Variants in NBAS observed in about 807,000 individuals in gnomAD.
The protein encoded by NBAS is NAG/BC035112 fusion.
In NBAS, 219 loss-of-function variants were observed where a neutral mutation model predicts 302.5. That is an observed-to-expected ratio of 0.72 (90% confidence interval 0.65 to 0.81). The LOEUF (loss-of-function observed/expected upper bound fraction) is 0.81, where lower values mean the gene tolerates loss of function less well. Among genes scored for constraint, NBAS ranks in the 30% least tolerant of loss-of-function variants. The pLI, the probability that NBAS is intolerant of heterozygous loss-of-function variation, is 0.00. For synonymous variants in NBAS, 1,118 were observed against 1,021.6 expected, an observed-to-expected ratio of 1.09 and a Z score of -1.80; for missense variants, 2,932 against 2,841.6, an observed-to-expected ratio of 1.03 and a Z score of -0.72.
At chr2:15,389,338 A>G (rs1558295559) in intron 28 of NBAS, among the ~76,000 whole-genome samples, 1 of 152,346 alleles carries the variant, frequency 6.6e-6, no homozygotes, top group South Asian at 2.1e-4. Context: ...CCTTCCAAAC[A>G]AACAACTTAC....
At chr2:14,864,225 GA>G in the NBAS span, among the ~76,000 whole-genome samples, 1 of 149,958 alleles carries the variant, frequency 6.7e-6, no homozygotes, top group East Asian at 2.0e-4. Context: ...GCTGAGACAG[GA>G]AAATCACTTG....
chr2:15,467,178 C>G (rs1423921470), intron 19 of NBAS, 151 bp downstream of exon 19: 1 of 622,800 alleles, frequency 1.6e-6, no homozygotes, highest in Non-Finnish European at 2.8e-6. Flanking sequence ...TTTACCAAAA[C>G]TAGTATATAA....
At chr2:15,462,920 A>T (rs1204612402) in intron 19 of NBAS, among the ~76,000 whole-genome samples, 1 of 152,180 alleles carries the variant, frequency 6.6e-6, no homozygotes, top group East Asian at 1.9e-4. Flanking sequence ...ACAGTCAGAG[A>T]AGTAAAGGGA....
the NBAS span, among the ~76,000 whole-genome samples, chr2:14,788,583 C>T: frequency 8.5e-5 from 13 of 152,256 alleles, no homozygotes; most frequent in South Asian, 2.5e-3. Flanking sequence ...TGCTAGAGGT[C>T]CACTCCAGAC....
intron 26 of NBAS, among the ~76,000 whole-genome samples, chr2:15,400,147 T>C (rs1381527399): frequency 6.6e-6 from 1 of 151,062 alleles, no homozygotes; most frequent in African/African-American, 2.4e-5. Flanking sequence ...CCCGGGATAA[T>C]AGATGGACAA....
intron 12 of NBAS, among the ~76,000 whole-genome samples, chr2:15,488,483 T>A (rs1236978776): frequency 6.6e-6 from 1 of 152,194 alleles, no homozygotes; most frequent in Non-Finnish European, 1.5e-5. Context: ...AGAAGGTAAC[T>A]CCCTTCAAGG....
chr2:14,838,630 T>C, the NBAS span, among the ~76,000 whole-genome samples: 2 of 152,142 alleles, frequency 1.3e-5, no homozygotes, highest in Non-Finnish European at 2.9e-5. Context: ...TTTTATTGTA[T>C]ACCAGAGTTG....
the NBAS span, among the ~76,000 whole-genome samples, chr2:14,938,107 G>A: frequency 6.6e-6 from 1 of 151,916 alleles, no homozygotes; most frequent in Non-Finnish European, 1.5e-5. Context: ...CAGCCTGGGT[G>A]ACAGCGAGAC....
intron 21 of NBAS, among the ~76,000 whole-genome samples, chr2:15,457,334 A>T (rs1021423321): frequency 2.3e-4 from 35 of 152,196 alleles, no homozygotes; most frequent in African/African-American, 8.2e-4. Flanking sequence ...GAAAAGAGCA[A>T]AATGAAACAG....
At chr2:15,545,664 G>C (rs1488903962) in intron 6 of NBAS, among the ~76,000 whole-genome samples, 1 of 152,142 alleles carries the variant, frequency 6.6e-6, no homozygotes, top group Non-Finnish European at 1.5e-5. Flanking sequence ...TTAATTAAAA[G>C]ACTGCTTACA....
Position 15,383,256 on chromosome 2 carries a change from G to A in NBAS, c.3319C>T (p.Gln1107Ter), listed in dbSNP as rs1398249701. The change falls in exon 29 of 52, where the codon CAG (glutamine) becomes TAG (stop). Residue 1107 changes from glutamine (Q) to a stop codon, truncating the protein, a stop_gained. Coordinates refer to ENST00000281513, the MANE Select transcript of NBAS (RefSeq NM_015909.4). LOFTEE classifies it high-confidence loss of function. The part of the protein sequence containing the change: ...TLLQDMLTMQ[Q>*]NVYTCLDSDA... ...GAATCTAGACATGTGTATACATTCT[G>A]CTGCATAGTTAACATGTCTTGCAGC... 1 of 1,613,988 alleles carries A rather than the reference G, an allele frequency of 6.2e-7. No individual in the cohort carries two copies.
At chr2:15,149,687 A>G in the NBAS span, among the ~76,000 whole-genome samples, 1 of 152,042 alleles carries the variant, frequency 6.6e-6, no homozygotes. Context: ...GGGTTTTGCC[A>G]TGTTGCTCAG....
At chr2:15,177,618 T>C (rs1401869423) in intron 51 of NBAS, among the ~76,000 whole-genome samples, 3 of 152,070 alleles carry the variant, frequency 2.0e-5, no homozygotes, top group Admixed American at 6.6e-5. Flanking sequence ...CCTAACACAG[T>C]GTACGAGGGT....
intron 42 of NBAS, among the ~76,000 whole-genome samples, chr2:15,286,509 C>T (rs1017913275): frequency 1.8e-4 from 27 of 152,202 alleles, no homozygotes; most frequent in African/African-American, 6.0e-4. Flanking sequence ...CGCCATGTTC[C>T]ACCCAAATCC....
At chr2:15,342,468 G>A (rs1373700524) in intron 35 of NBAS, among the ~76,000 whole-genome samples, 1 of 152,086 alleles carries the variant, frequency 6.6e-6, no homozygotes, top group Non-Finnish European at 1.5e-5. Flanking sequence ...TATGCAGTAT[G>A]AATTCATTTT....
At chr2:14,807,764 A>G in the NBAS span, among the ~76,000 whole-genome samples, 5 of 152,210 alleles carry the variant, frequency 3.3e-5, no homozygotes, top group African/African-American at 1.2e-4. Flanking sequence ...CAATACCTAC[A>G]TGAGCCACAA....
Position 15,190,511 on chromosome 2 carries a change from T to C in NBAS, c.6433-108A>G, listed in dbSNP as rs1156908050. On this transcript the variant is annotated intron_variant, in intron 48 of 51. Coordinates refer to ENST00000281513, the MANE Select transcript of NBAS (RefSeq NM_015909.4). The stretch of plus-strand genomic sequence containing the variant: ...AACTTTTTTTTAAAATGTTTTACAA[T>C]GTGTTAAGATTCAACATCAGAAAAA... 19 of 1,316,018 alleles carry C rather than the reference T, an allele frequency of 1.4e-5. No individual in the cohort carries two copies. In the South Asian group the frequency reaches 1.6e-4, roughly 11 times the overall value. 81.5% of individuals were successfully genotyped at this position (1,316,018 alleles called of 1,614,324 possible).
the NBAS span, among the ~76,000 whole-genome samples, chr2:14,855,619 G>A: frequency 2.6e-5 from 4 of 152,084 alleles, no homozygotes; most frequent in Admixed American, 2.6e-4. Context: ...GGGAATATTG[G>A]TGGTAGTCTA....
At chr2:15,047,763 G>A in the NBAS span, among the ~76,000 whole-genome samples, 4 of 145,680 alleles carry the variant, frequency 2.7e-5, no homozygotes, top group Non-Finnish European at 6.1e-5. Flanking sequence ...GTGCACCATA[G>A]GAGAGAACAC....
Sources: gnomAD v4.1 joint callset for allele counts (sites outside exome capture counted in the v4.1 genomes callset) on GRCh38, gnomAD v4.1.1 for gene constraint, MANE v1.5 for transcripts, NCBI Gene and HGNC (gene_info 2026-07-23, HGNC 2026-07-21) for gene names.